Variants in PARD3 observed in about 807,000 individuals in gnomAD.
The protein encoded by PARD3 is partitioning defective 3 homolog.
A neutral mutation model predicts 155.4 loss-of-function variants in PARD3; 75 were observed. That is an observed-to-expected ratio of 0.48 (90% confidence interval 0.40 to 0.58). PARD3 has a LOEUF of 0.58. PARD3 is among the 20% of genes least tolerant of loss of function. The probability of loss-of-function intolerance (pLI) is 0.00; values close to 1 mark genes in which losing one functional copy is unlikely to be tolerated. For missense variants in PARD3, 1,642 were observed against 1,721.7 expected (o/e 0.95, Z 0.82); for synonymous variants, 576 against 610.5 (o/e 0.94, Z 0.83).
At chr10:34,588,923 G>A (rs964545744) in intron 2 of PARD3, among the ~76,000 whole-genome samples, 10 of 152,270 alleles carry the variant, frequency 6.6e-5, no homozygotes, top group African/African-American at 2.4e-4. Context: ...GCTCTATTGA[G>A]AATAGTTCTA....
intron 2 of PARD3, among the ~76,000 whole-genome samples, chr10:34,524,640 C>A (rs187071895): frequency 3.5e-4 from 53 of 152,352 alleles, no homozygotes; most frequent in Non-Finnish European, 3.5e-4. Context: ...ACCCCTCTTG[C>A]TCTACTCTCT....
chr10:34,149,085 AGC>A (rs1191240405), intron 22 of PARD3, among the ~76,000 whole-genome samples: 19 of 152,286 alleles, frequency 1.2e-4, no homozygotes, highest in African/African-American at 3.8e-4. Context: ...AATTCTGAAA[AGC>A]TGAATCTTAT....
intron 22 of PARD3, among the ~76,000 whole-genome samples, chr10:34,247,820 C>T (rs767175396): frequency 4.6e-5 from 7 of 152,132 alleles, no homozygotes; most frequent in South Asian, 2.1e-4. Flanking sequence ...TGTTAATAAT[C>T]GGAAAAGTAC....
rs1348617782 is a variant in PARD3 at position 34,654,829 on chromosome 10, A to C, written c.222+41489T>G. 2.0e-5 allele frequency among the ~76,000 whole-genome samples: 3 copies of C among 152,132 alleles called. No homozygotes were observed. The East Asian group carries it at 5.8e-4, about 29-fold the overall frequency. The stretch of plus-strand genomic sequence containing the variant: ...TTAATTCCGATCAATGTCCAAAACA[A>C]TTTTGACCCCCACCTTTTCTGACAT... On this transcript the variant is annotated intron_variant, in intron 2 of 24. Coordinates refer to ENST00000374788, the MANE Select transcript of PARD3 (RefSeq NM_001184785.2).
intron 2 of PARD3, among the ~76,000 whole-genome samples, chr10:34,672,695 A>T (rs1045235982): frequency 6.6e-6 from 1 of 152,120 alleles, no homozygotes; most frequent in Non-Finnish European, 1.5e-5. Context: ...AAAACACATA[A>T]CCAGTATGCT....
At chr10:34,740,072 G>A (rs1361830183) in intron 1 of PARD3, among the ~76,000 whole-genome samples, 1 of 152,200 alleles carries the variant, frequency 6.6e-6, no homozygotes, top group Non-Finnish European at 1.5e-5. Context: ...GCTGGAGAGA[G>A]AGAAAAACAC....
rs955535149 is a variant in PARD3 at position 34,229,650 on chromosome 10, A to G, written c.3419+40007T>C. Among the ~76,000 whole-genome samples the G allele has an allele frequency of 2.2e-4, 28 of 130,164 alleles. 1 individual carries two copies. Among genetic ancestry groups the G allele is most frequent in the African/African-American group, 8.8e-4 (28 of 31,926 alleles). The allele number at this position is 130,164 out of a possible 152,430, so 85.4% of individuals were successfully genotyped here. ...ATACGTCCCATCATAATTCTTCTCT[A>G]GTTGAGGGTGCGTGTGTGTGTGTGT... On this transcript the variant is annotated intron_variant, in intron 22 of 24. Coordinates refer to ENST00000374788, the MANE Select transcript of PARD3 (RefSeq NM_001184785.2).
intron 3 of PARD3, among the ~76,000 whole-genome samples, chr10:34,489,175 T>C (rs1254270605): frequency 1.3e-5 from 2 of 152,118 alleles, no homozygotes; most frequent in African/African-American, 4.8e-5. Flanking sequence ...CTGTCTCTAC[T>C]AAAAATACAA....
chr10:34,191,168 T>C (rs59467120), intron 22 of PARD3, among the ~76,000 whole-genome samples: 1 of 151,570 alleles, frequency 6.6e-6, no homozygotes, highest in Non-Finnish European at 1.5e-5. Context: ...TAAACTCAGG[T>C]AAGAAATAAA....
intron 11 of PARD3, among the ~76,000 whole-genome samples, chr10:34,373,921 T>C (rs1157465136): frequency 6.6e-6 from 1 of 152,020 alleles, no homozygotes; most frequent in Non-Finnish European, 1.5e-5. Context: ...ACAAGAGAAT[T>C]TGGGCTATAT....
At chr10:34,664,777 T>C (rs550982527) in intron 2 of PARD3, among the ~76,000 whole-genome samples, 1 of 152,338 alleles carries the variant, frequency 6.6e-6, no homozygotes, top group East Asian at 1.9e-4. Context: ...TGAGCCACCA[T>C]GCCTGGCCCA....
chr10:34,420,868 A>G (rs571129979), intron 5 of PARD3, among the ~76,000 whole-genome samples: 2 of 152,318 alleles, frequency 1.3e-5, no homozygotes, highest in African/African-American at 4.8e-5. Context: ...AATAATCTTC[A>G]ATCTGTAATT....
In PARD3 at chr10:34,312,388, T is replaced by C. The variant is rs759759902; in HGVS notation, c.3065+4719A>G. On this transcript the variant is annotated intron_variant, in intron 20 of 24. Transcript: ENST00000374788. Reference sequence around the variant, plus strand: ...CGGGCTTCAGTTTGGCAAGGCTAAATGAGAGACACGGTACAGACACACAGT... The same window carrying C: ...CGGGCTTCAGTTTGGCAAGGCTAAACGAGAGACACGGTACAGACACACAGT... The C allele has an allele frequency of 3.7e-6, 6 of 1,612,504 alleles. No individual in the cohort carries two copies. In the South Asian group the frequency reaches 6.6e-5, roughly 18 times the overall value.
chr10:34,786,250 T>G (rs191311622), intron 1 of PARD3, among the ~76,000 whole-genome samples: 1 of 152,358 alleles, frequency 6.6e-6, no homozygotes, highest in African/African-American at 2.4e-5. Context: ...ATGAGCCCAC[T>G]CAATGTCCCA....
Position 34,570,204 on chromosome 10 carries a change from C to T in PARD3, c.223-53045G>A, listed in dbSNP as rs529632628. Among the ~76,000 whole-genome samples the T allele has an allele frequency of 8.5e-5, 13 of 152,198 alleles. 1 individual carries two copies. Among genetic ancestry groups the T allele is most frequent in the African/African-American group, 2.4e-4 (10 of 41,548 alleles). On this transcript the variant is annotated intron_variant, in intron 2 of 24. Coordinates refer to ENST00000374788, the MANE Select transcript of PARD3 (RefSeq NM_001184785.2). ...CATTGTTGGAGTTATTTTTTCAATG[C>T]GATACAGCAAACTCTGTGGTTTTCC... is the stretch of plus-strand genomic sequence containing the variant.
In PARD3 at chr10:34,745,448, G is replaced by GAGAGAGGGAA. The variant is rs1303232011; in HGVS notation, c.121-49030_121-49029insTTCCCTCTCT. On this transcript the variant is annotated intron_variant, in intron 1 of 24. Transcript: ENST00000374788. ...GGAGGGAGGGAAAGAGAGAGGGAAA[G>GAGAGAGGGAA]AGAGAGAAAGAGAGAGGGAAAGAGA... 2.6e-4 allele frequency among the ~76,000 whole-genome samples: 39 copies of GAGAGAGGGAA among 150,930 alleles called. 1 individual carries two copies. Among genetic ancestry groups the GAGAGAGGGAA allele is most frequent in the Admixed American group, 2.2e-3 (34 of 15,198 alleles).
chr10:34,613,736 A>C lies in PARD3; in HGVS notation c.222+82582T>G, dbSNP rs2091066259. ...GTAGAATAAAAAAAAGGTTTAAAAC[A>C]TAGTTTTCTCGTCCACATTCTCCGG... On this transcript the variant is annotated intron_variant, in intron 2 of 24. Coordinates refer to ENST00000374788, the MANE Select transcript of PARD3 (RefSeq NM_001184785.2). Among the ~76,000 whole-genome samples the C allele has an allele frequency of 2.0e-5, 3 of 152,234 alleles. No homozygotes were observed. The South Asian group carries it at 6.2e-4, about 32-fold the overall frequency.
chr10:34,373,416 G>C (rs1407959469), intron 11 of PARD3, among the ~76,000 whole-genome samples: 2 of 152,012 alleles, frequency 1.3e-5, no homozygotes, highest in East Asian at 3.9e-4. Flanking sequence ...CTCTGGAAAA[G>C]GCTGCTTAAG....
chr10:34,221,511 C>G (rs1416932668), intron 22 of PARD3, among the ~76,000 whole-genome samples: 2 of 151,162 alleles, frequency 1.3e-5, no homozygotes, highest in Non-Finnish European at 2.9e-5. Context: ...ACCTCACGTA[C>G]TTATTTTTTT....
Sources: allele counts gnomAD v4.1 joint callset (sites outside exome capture counted in the v4.1 genomes callset), GRCh38; gene constraint gnomAD v4.1.1; transcripts MANE v1.5; gene names NCBI Gene and HGNC (gene_info 2026-07-23, HGNC 2026-07-21).